Variants in SLIT3 observed in about 807,000 individuals in gnomAD.
SLIT3 encodes the protein slit homolog 3 protein.
Under a neutral mutation model 184.0 loss-of-function variants are expected in SLIT3, and 68 were observed. The ratio of observed to expected loss-of-function variants is 0.37; its 90% CI spans 0.30 to 0.45. SLIT3 has a LOEUF of 0.45. Ranked by LOEUF, SLIT3 falls within the 20% of genes least tolerant of loss-of-function variation. The pLI, the probability that SLIT3 is intolerant of heterozygous loss-of-function variation, is 1.00. For synonymous variants in SLIT3, 831 were observed against 828.6 expected (o/e 1.00, Z -0.05); for missense variants, 1,707 against 2,026.0 (o/e 0.84, Z 3.02).
chr5:169,113,711 A>G (rs1476961452), intron 4 of SLIT3, among the ~76,000 whole-genome samples: 1 of 138,552 alleles, frequency 7.2e-6, no homozygotes, highest in East Asian at 2.1e-4. Context: ...GTTGGAGTGC[A>G]GTGGCTCGAT....
In SLIT3 at chr5:168,684,173, C is replaced by T. The variant is rs1561872920; in HGVS notation, c.3556-77G>A. 2.9e-6 allele frequency: 4 copies of T among 1,380,428 alleles called. No individual in the cohort carries two copies. In the East Asian group the frequency reaches 7.9e-5, roughly 27 times the overall value. The allele number at this position is 1,380,428 out of a possible 1,614,324, so 85.5% of individuals were successfully genotyped here. A position where few individuals can be genotyped will look rare whatever the true frequency, so the allele number is the denominator to read the frequency against. On this transcript the variant is annotated intron_variant, in intron 31 of 35. Coordinates refer to ENST00000519560, the MANE Select transcript of SLIT3 (RefSeq NM_003062.4). ...TTCCCTGCCCATCTCACAGAGCCCT[C>T]TTCCAGGCAGCAGCTTCTGAATCTG... is the stretch of plus-strand genomic sequence containing the variant.
At chr5:168,764,682 G>C (rs958966392) in intron 14 of SLIT3, among the ~76,000 whole-genome samples, 2 of 152,088 alleles carry the variant, frequency 1.3e-5, no homozygotes, top group African/African-American at 2.4e-5. Flanking sequence ...CCTAAGACAG[G>C]GAGTCAGAAG....
In SLIT3 at chr5:168,673,210, C is replaced by T; in HGVS notation, c.3808G>A (p.Ala1270Thr). 6.2e-7 allele frequency: 1 copy of T among 1,613,692 alleles called. No homozygotes were observed. The highest frequency in any genetic ancestry group is 8.5e-7 in the Non-Finnish European group (1 of 1,179,884). Residue 1270 changes from alanine (A) to threonine (T), a missense_variant, in exon 33 of 36, where the codon GCA (alanine) becomes ACA (threonine). Around this residue, in one of 3 missense-constraint regions of SLIT3, gnomAD observed 387 missense variants for 477.9 expected, o/e 0.81. Coordinates refer to ENST00000519560, the MANE Select transcript of SLIT3 (RefSeq NM_003062.4). ...TAGAGGGGGCTGTTGATGCCCACTG[C>T]TGGCTGCTTCTGGAGCTTCCCCAGG... ...KSLGKLQKQPAVGINSPLYLG... is the reference protein window; with the variant it reads ...KSLGKLQKQPTVGINSPLYLG...
chr5:169,055,837 A>T (rs1479937608), intron 4 of SLIT3, among the ~76,000 whole-genome samples: 1 of 151,708 alleles, frequency 6.6e-6, no homozygotes. Context: ...CTCGGAGGAA[A>T]AAAAAAAAAG....
At chr5:169,032,547 G>A (rs914216589) in intron 4 of SLIT3, among the ~76,000 whole-genome samples, 6 of 145,342 alleles carry the variant, frequency 4.1e-5, no homozygotes, top group Non-Finnish European at 7.5e-5. Context: ...ATAGTAACTT[G>A]ATGTTTTACT....
intron 4 of SLIT3, among the ~76,000 whole-genome samples, chr5:169,052,719 G>A (rs534113137): frequency 1.9e-4 from 29 of 151,988 alleles, no homozygotes; most frequent in African/African-American, 6.7e-4. Flanking sequence ...ATTCTATTGC[G>A]GTCCTCTGAG....
intron 4 of SLIT3, among the ~76,000 whole-genome samples, chr5:168,917,744 G>T (rs1050655516): frequency 6.6e-6 from 1 of 152,170 alleles, no homozygotes; most frequent in Non-Finnish European, 1.5e-5. Flanking sequence ...GTTTTGGCAC[G>T]TTAAAATCTA....
chr5:169,171,743 T>C (rs956223346), intron 4 of SLIT3, among the ~76,000 whole-genome samples: 2 of 152,200 alleles, frequency 1.3e-5, no homozygotes, highest in Non-Finnish European at 2.9e-5. Context: ...TGCAGACATC[T>C]ACCTCGGAGG....
At chr5:168,873,769 C>T (rs548168617) in intron 5 of SLIT3, among the ~76,000 whole-genome samples, 49 of 152,132 alleles carry the variant, frequency 3.2e-4, no homozygotes, top group Non-Finnish European at 5.7e-4. Flanking sequence ...GTTGAGAAAC[C>T]TGCCCAAGCT....
chr5:169,167,625 G>C (rs894025249), intron 4 of SLIT3, among the ~76,000 whole-genome samples: 1 of 152,050 alleles, frequency 6.6e-6, no homozygotes, highest in Non-Finnish European at 1.5e-5. Context: ...GCAATCCTGG[G>C]AGCGAAGTAC....
chr5:168,852,547 A>G (rs1758717746), intron 5 of SLIT3, among the ~76,000 whole-genome samples: 2 of 152,238 alleles, frequency 1.3e-5, no homozygotes, highest in Non-Finnish European at 1.5e-5. Flanking sequence ...AAATCGGCAC[A>G]TCCTGGGGAG....
intron 4 of SLIT3, among the ~76,000 whole-genome samples, chr5:169,105,325 A>G (rs867823649): frequency 1.3e-5 from 2 of 152,238 alleles, no homozygotes; most frequent in African/African-American, 4.8e-5. Flanking sequence ...TAATGCACAT[A>G]TATGTACATG....
intron 4 of SLIT3, among the ~76,000 whole-genome samples, chr5:168,990,860 G>T (rs1387415769): frequency 5.9e-5 from 9 of 152,224 alleles, no homozygotes; most frequent in Non-Finnish European, 1.3e-4. Flanking sequence ...TGTCCTTGGA[G>T]AATGCCACAC....
chr5:169,091,765 G>A (rs116469090), intron 4 of SLIT3, among the ~76,000 whole-genome samples: 209 of 152,300 alleles, frequency 1.4e-3, no homozygotes, highest in Middle Eastern at 0.01. Context: ...GCCTCGTGGC[G>A]AAGCTGGACC....
chr5:169,270,324 A>G (rs1198194333), intron 1 of SLIT3, among the ~76,000 whole-genome samples: 1 of 152,188 alleles, frequency 6.6e-6, no homozygotes, highest in Non-Finnish European at 1.5e-5. Flanking sequence ...ACACCAAGAC[A>G]GGGGTCAGCA....
chr5:169,211,968 T>A (rs574622238), intron 3 of SLIT3, among the ~76,000 whole-genome samples: 64 of 152,218 alleles, frequency 4.2e-4, no homozygotes, highest in Admixed American at 1.8e-3. Flanking sequence ...CAACTCATCC[T>A]TTTTTATGGC....
intron 3 of SLIT3, among the ~76,000 whole-genome samples, chr5:169,241,108 C>A (rs2113572866): frequency 6.6e-6 from 1 of 152,182 alleles, no homozygotes; most frequent in East Asian, 1.9e-4. Context: ...AAGATCAGGG[C>A]AGCTGTCTCA....
intron 5 of SLIT3, among the ~76,000 whole-genome samples, chr5:168,872,132 A>T (rs1463895403): frequency 1.3e-5 from 2 of 152,198 alleles, no homozygotes; most frequent in Admixed American, 1.3e-4. Context: ...TTCAAAGAAG[A>T]AAAAGGAGAC....
intron 4 of SLIT3, among the ~76,000 whole-genome samples, chr5:169,156,030 A>C (rs1488719173): frequency 6.6e-6 from 1 of 152,254 alleles, no homozygotes; most frequent in Non-Finnish European, 1.5e-5. Context: ...CAAAGGTTCC[A>C]CAGAAAGTTA....
Sources: allele counts gnomAD v4.1 joint callset (sites outside exome capture counted in the v4.1 genomes callset), GRCh38; gene constraint gnomAD v4.1.1; regional missense constraint gnomAD v4.1.1; transcripts MANE v1.5; gene names NCBI Gene and HGNC (gene_info 2026-07-23, HGNC 2026-07-21).